The following PAPPA2 variants were observed in gnomAD, a reference collection of about 807,000 sequenced individuals.
PAPPA2 encodes pappalysin 2.
PAPPA2 carries 86 observed loss-of-function variants against 176.4 expected under a neutral mutation model. That is an observed-to-expected ratio of 0.49 (90% CI 0.41 to 0.58). The LOEUF (loss-of-function observed/expected upper bound fraction) is 0.58. PAPPA2 is among the 20% of genes least tolerant of loss of function. PAPPA2 has a pLI of 0.00. For synonymous variants in PAPPA2, 809 were observed against 852.2 expected (o/e 0.95, Z 0.88); for missense variants, 2,073 against 2,256.9 (o/e 0.92, Z 1.65).
intron 21 of PAPPA2, chr1:176,836,874 T>C (rs1481395996): frequency 6.6e-6 from 1 of 152,140 alleles, no homozygotes; most frequent in East Asian, 1.9e-4. Flanking sequence ...GCTGGAACTA[T>C]GTTTCATTTA....
chr1:176,830,825 T>C (rs755526736), intron 21 of PAPPA2, among the ~76,000 whole-genome samples: 5 of 152,164 alleles, frequency 3.3e-5, no homozygotes, highest in Non-Finnish European at 5.9e-5. Context: ...GTCACAAACA[T>C]TGGTACTATG....
At chr1:176,779,519 CAG>C (rs565823413) in intron 17 of PAPPA2, among the ~76,000 whole-genome samples, 4,095 of 102,152 alleles carry the variant, frequency 0.04, 252 homozygotes, top group African/African-American at 0.13. Context: ...CACACACACA[CAG>C]AGAGAGAGAG....
chr1:176,704,806 G>A (rs1479758591), intron 9 of PAPPA2, among the ~76,000 whole-genome samples: 1 of 151,982 alleles, frequency 6.6e-6, no homozygotes. Flanking sequence ...CAAAAATAAT[G>A]TAACATGCCT....
chr1:176,834,670 A>C (rs567886330), intron 21 of PAPPA2, among the ~76,000 whole-genome samples: 1 of 152,260 alleles, frequency 6.6e-6, no homozygotes, highest in Non-Finnish European at 1.5e-5. Flanking sequence ...AGCTGAGAAA[A>C]ACAGGAGTGA....
chr1:176,508,542 A>G (rs1294420230), intron 1 of PAPPA2, among the ~76,000 whole-genome samples: 5 of 152,288 alleles, frequency 3.3e-5, no homozygotes, highest in South Asian at 4.1e-4. Flanking sequence ...ACTTGAAAAC[A>G]TAAATGAAAA....
chr1:176,733,536 C>CT (rs1662259704), intron 12 of PAPPA2, among the ~76,000 whole-genome samples: 1 of 152,080 alleles, frequency 6.6e-6, no homozygotes, highest in Non-Finnish European at 1.5e-5. Context: ...TACATGAAAG[C>CT]TTTTTCCAGT....
chr1:176,670,615 T>C (rs1259092925), intron 3 of PAPPA2, among the ~76,000 whole-genome samples: 2 of 152,196 alleles, frequency 1.3e-5, no homozygotes, highest in Admixed American at 6.5e-5. Flanking sequence ...GAAGGCCTTC[T>C]TCACTATGGC....
chr1:176,621,491 A>G (rs557147000), intron 3 of PAPPA2, among the ~76,000 whole-genome samples: 1 of 152,292 alleles, frequency 6.6e-6, no homozygotes, highest in East Asian at 1.9e-4. Flanking sequence ...AGTAGCTACT[A>G]TCCAAACTTT....
intron 4 of PAPPA2, among the ~76,000 whole-genome samples, chr1:176,686,635 C>G (rs955179312): frequency 1.3e-5 from 2 of 152,174 alleles, no homozygotes; most frequent in Non-Finnish European, 2.9e-5. Flanking sequence ...TTTCCCCTTT[C>G]CCTCATGCTG....
intron 3 of PAPPA2, among the ~76,000 whole-genome samples, chr1:176,651,361 C>G (rs912018429): frequency 1.3e-5 from 2 of 151,128 alleles, no homozygotes; most frequent in African/African-American, 4.9e-5. Context: ...AATAATTTAT[C>G]TGTCCTTCAT....
At chr1:176,757,168 C>T (rs549607321) in intron 14 of PAPPA2, among the ~76,000 whole-genome samples, 6 of 152,274 alleles carry the variant, frequency 3.9e-5, no homozygotes, top group Admixed American at 6.5e-5. Flanking sequence ...AATAAACATA[C>T]GTGTGCACGT....
chr1:176,502,342 G>A (rs1179759975), intron 1 of PAPPA2, among the ~76,000 whole-genome samples: 1 of 152,194 alleles, frequency 6.6e-6, no homozygotes, highest in Non-Finnish European at 1.5e-5. Context: ...ACATAGCTGT[G>A]AAGATAGGGA....
chr1:176,632,229 A>ATGTGTGTGTGTG (rs56939950), intron 3 of PAPPA2, among the ~76,000 whole-genome samples: 7 of 145,430 alleles, frequency 4.8e-5, no homozygotes, highest in African/African-American at 1.8e-4. Context: ...ATTAGTAGTG[A>ATGTGTGTGTGTG]TGTGTGTGTG....
Position 176,576,114 on chromosome 1 carries a change from G to A in PAPPA2, c.920-18410G>A, listed in dbSNP as rs192643542. 1.1e-3 allele frequency among the ~76,000 whole-genome samples: 171 copies of A among 148,948 alleles called. 1 individual carries two copies. The highest frequency in any genetic ancestry group is 7.9e-3 in the Admixed American group (120 of 15,166). ...AATGATTCCTAGAAGTGAAATTACAGGGCTGGAGCATGAGGCTGTTTTTGG... is the reference window on the plus strand; with the variant it reads ...AATGATTCCTAGAAGTGAAATTACAAGGCTGGAGCATGAGGCTGTTTTTGG... On this transcript the variant is annotated intron_variant, in intron 2 of 22. Coordinates refer to ENST00000367662, the MANE Select transcript of PAPPA2 (RefSeq NM_020318.3).
chr1:176,556,636 G>A lies in PAPPA2; in HGVS notation c.314G>A (p.Ser105Asn), dbSNP rs1185008812. 11 of 1,614,202 alleles carry A rather than the reference G, an allele frequency of 6.8e-6. No homozygotes were observed. The highest frequency in any genetic ancestry group is 3.3e-5 in the South Asian group (3 of 91,086). ...CCAGACACTGAAGGAAATGCTGTGA[G>A]CCTTGTTCCCCCAGACCTGACTGAA... is the stretch of plus-strand genomic sequence containing the variant. Reference protein sequence around the residue: ...SKPDTEGNAVSLVPPDLTENP... With the variant: ...SKPDTEGNAVNLVPPDLTENP... Residue 105 changes from serine to asparagine, a missense_variant, in exon 2 of 23, where the codon AGC (serine) becomes AAC (asparagine). Physicochemically the swap from Ser to Asn is conservative, Grantham distance 46 (BLOSUM62 1). Around this residue, in one of 4 missense-constraint regions of PAPPA2, gnomAD observed 1,196 missense variants for 1,330.4 expected, o/e 0.90. Coordinates refer to ENST00000367662, the MANE Select transcript of PAPPA2 (RefSeq NM_020318.3).
chr1:176,518,980 T>G (rs1275798372), intron 1 of PAPPA2, among the ~76,000 whole-genome samples: 3 of 152,156 alleles, frequency 2.0e-5, no homozygotes, highest in African/African-American at 7.2e-5. Flanking sequence ...CCAGGCAGAC[T>G]TAAAATGTCT....
intron 21 of PAPPA2, among the ~76,000 whole-genome samples, chr1:176,810,460 C>T (rs896414475): frequency 1.3e-5 from 2 of 152,108 alleles, no homozygotes; most frequent in African/African-American, 4.8e-5. Flanking sequence ...TATTTAGATT[C>T]TCATAAGGAG....
chr1:176,828,962 C>T (rs1666968441), intron 21 of PAPPA2, among the ~76,000 whole-genome samples: 1 of 151,998 alleles, frequency 6.6e-6, no homozygotes, highest in African/African-American at 2.4e-5. Flanking sequence ...GAGATCATGC[C>T]ACTGCACTCC....
At chr1:176,670,852 C>T in intron 3 of PAPPA2, 118 bp from the exon 4 acceptor site, 1 of 1,299,930 alleles carries the variant, frequency 7.7e-7, no homozygotes, top group Non-Finnish European at 1.1e-6. Flanking sequence ...CTGCCCCATG[C>T]CCCTCCAAAA....
Sources: allele counts gnomAD v4.1 joint callset (sites outside exome capture counted in the v4.1 genomes callset), GRCh38; gene constraint gnomAD v4.1.1; regional missense constraint gnomAD v4.1.1; transcripts MANE v1.5; gene names NCBI Gene and HGNC (gene_info 2026-07-23, HGNC 2026-07-21).